The following PTN variants were observed in gnomAD, a reference collection of about 807,000 sequenced individuals.
PTN encodes the protein pleiotrophin, also known as heparin affin regulatory protein.
In PTN, 18 loss-of-function variants were observed where a neutral mutation model predicts 24.1. The observed-to-expected ratio is 0.75, with a 90% CI of 0.52 to 1.11. The LOEUF (loss-of-function observed/expected upper bound fraction) is 1.11, where lower values mean the gene tolerates loss of function less well. PTN is among the 50% of genes least tolerant of loss of function. PTN has a pLI of 0.00. For synonymous variants in PTN, 78 were observed against 68.6 expected (o/e 1.14, Z -0.67); for missense variants, 163 against 198.8 (o/e 0.82, Z 1.08).
At chr7:137,290,145 C>T (rs992082547) in intron 1 of PTN, among the ~76,000 whole-genome samples, 10 of 152,044 alleles carry the variant, frequency 6.6e-5, no homozygotes, top group African/African-American at 2.4e-4. Flanking sequence ...AGGGAAACTC[C>T]CCCTTTTAAA....
chr7:137,280,691 T>TAACAAAAA (rs760779128), intron 1 of PTN, among the ~76,000 whole-genome samples: 209 of 14,716 alleles, frequency 0.014, 18 homozygotes, highest in African/African-American at 0.022. Context: ...CCGTCTCTAC[T>TAACAAAAA]AAAAATACAA....
At chr7:137,239,548 C>T (rs955978869) in intron 4 of PTN, among the ~76,000 whole-genome samples, 7 of 152,030 alleles carry the variant, frequency 4.6e-5, no homozygotes, top group Admixed American at 1.3e-4. Context: ...TATCCCTCCC[C>T]CCTCCTCCCA....
chr7:137,267,399 G>C (rs1248628266), intron 1 of PTN, among the ~76,000 whole-genome samples: 1 of 151,762 alleles, frequency 6.6e-6, no homozygotes, highest in Non-Finnish European at 1.5e-5. Flanking sequence ...ACTACTGTTG[G>C]GGGGAAGGGG....
intron 1 of PTN, among the ~76,000 whole-genome samples, chr7:137,317,962 C>T (rs1048477235): frequency 6.6e-6 from 1 of 152,030 alleles, no homozygotes; most frequent in African/African-American, 2.4e-5. Flanking sequence ...TAGACTTGAC[C>T]CTTTCTTTAC....
intron 1 of PTN, among the ~76,000 whole-genome samples, chr7:137,337,045 T>A (rs1384003701): frequency 2.0e-5 from 3 of 150,594 alleles, no homozygotes; most frequent in African/African-American, 4.8e-5. Context: ...CTACTGTTTC[T>A]AATGTTTCAT....
At chr7:137,244,381 T>C (rs1470316047) in intron 4 of PTN, among the ~76,000 whole-genome samples, 2 of 151,340 alleles carry the variant, frequency 1.3e-5, no homozygotes, top group African/African-American at 2.4e-5. Flanking sequence ...AGAATTTTTT[T>C]TTTTTTTTTT....
chr7:137,313,787 T>C (rs1810022276), intron 1 of PTN, among the ~76,000 whole-genome samples: 1 of 152,198 alleles, frequency 6.6e-6, no homozygotes, highest in Admixed American at 6.5e-5. Flanking sequence ...GCTAATGTAC[T>C]ACAGATATCC....
At chr7:137,242,894 T>C (rs544479532) in intron 4 of PTN, among the ~76,000 whole-genome samples, 1 of 152,134 alleles carries the variant, frequency 6.6e-6, no homozygotes, top group East Asian at 1.9e-4. Context: ...TCTAATTCCA[T>C]AGTGAGCCAT....
intron 1 of PTN, among the ~76,000 whole-genome samples, chr7:137,266,912 G>A (rs552504248): frequency 6.2e-5 from 8 of 129,354 alleles, no homozygotes; most frequent in Middle Eastern, 5.3e-3. Context: ...AGCAGCTGCC[G>A]CTACAGATTG....
intron 4 of PTN, among the ~76,000 whole-genome samples, chr7:137,235,031 A>G (rs2128867966): frequency 6.6e-6 from 1 of 152,214 alleles, no homozygotes; most frequent in Admixed American, 6.6e-5. Context: ...CACATTGCAG[A>G]GGTCAAGAGA....
chr7:137,255,074 G>C, intron 1 of PTN, 100 bp from the exon 2 acceptor site: 1 of 725,572 alleles, frequency 1.4e-6, no homozygotes, highest in Non-Finnish European at 2.1e-6. Flanking sequence ...TCCATTTCTG[G>C]AATGTTAGAT....
At chr7:137,322,254 G>A (rs1449110942) in intron 1 of PTN, among the ~76,000 whole-genome samples, 1 of 152,122 alleles carries the variant, frequency 6.6e-6, no homozygotes, top group Non-Finnish European at 1.5e-5. Flanking sequence ...AATAACATGT[G>A]GGCATTCAAT....
chr7:137,248,634 C>T (rs1416284924), intron 4 of PTN, among the ~76,000 whole-genome samples: 1 of 152,116 alleles, frequency 6.6e-6, no homozygotes, highest in Non-Finnish European at 1.5e-5. Flanking sequence ...GGGCCGAGAT[C>T]GCCTCACTGC....
intron 4 of PTN, among the ~76,000 whole-genome samples, chr7:137,230,931 C>T (rs1262691429): frequency 6.6e-6 from 1 of 151,778 alleles, no homozygotes; most frequent in Non-Finnish European, 1.5e-5. Context: ...AGTCTCTGGC[C>T]TTCAAATTCA....
chr7:137,255,016 A>C, intron 1 of PTN, 42 bp from the exon 2 acceptor site: 1 of 1,387,190 alleles, frequency 7.2e-7, no homozygotes, highest in African/African-American at 1.4e-5. Flanking sequence ...GCATTAACCT[A>C]AGTCAGAAAG....
chr7:137,281,964 A>C (rs1176393928), intron 1 of PTN, among the ~76,000 whole-genome samples: 1 of 152,230 alleles, frequency 6.6e-6, no homozygotes, highest in Non-Finnish European at 1.5e-5. Flanking sequence ...AAGATTACAA[A>C]GTGTTAGAAA....
intron 1 of PTN, among the ~76,000 whole-genome samples, chr7:137,260,383 GAGA>G (rs1809012742): frequency 6.6e-6 from 1 of 152,122 alleles, no homozygotes; most frequent in Admixed American, 6.5e-5. Flanking sequence ...CCAGTCATGT[GAGA>G]AGGCTTTACA....
intron 1 of PTN, among the ~76,000 whole-genome samples, chr7:137,268,209 C>T (rs899021537): frequency 1.3e-5 from 2 of 151,134 alleles, no homozygotes; most frequent in African/African-American, 2.4e-5. Flanking sequence ...CAAATGCCTA[C>T]CCGGGAGCGC....
intron 1 of PTN, among the ~76,000 whole-genome samples, chr7:137,328,510 C>T (rs760174288): frequency 6.6e-6 from 1 of 152,120 alleles, no homozygotes; most frequent in Non-Finnish European, 1.5e-5. Flanking sequence ...ATCCTTTGGT[C>T]CCTATTGTAT....
Sources: allele counts gnomAD v4.1 joint callset (sites outside exome capture counted in the v4.1 genomes callset), GRCh38; gene constraint gnomAD v4.1.1; transcripts MANE v1.5; gene names NCBI Gene and HGNC (gene_info 2026-07-23, HGNC 2026-07-21).